PRICKLE2: variants seen among roughly 807,000 people sequenced by gnomAD.
PRICKLE2 encodes prickle-like protein 2.
Under a neutral mutation model 81.4 loss-of-function variants are expected in PRICKLE2, and 21 were observed. The observed-to-expected ratio is 0.26, with a 90% CI of 0.18 to 0.37. The LOEUF (loss-of-function observed/expected upper bound fraction) is 0.37. Among genes scored for constraint, PRICKLE2 ranks in the 10% least tolerant of loss-of-function variants. The probability of loss-of-function intolerance (pLI) is 1.00; values close to 1 mark genes in which losing one functional copy is unlikely to be tolerated. For synonymous variants in PRICKLE2, 456 were observed against 421.5 expected, an observed-to-expected ratio of 1.08 and a Z score of -1.00; for missense variants, 940 against 1,109.0, an observed-to-expected ratio of 0.85 and a Z score of 2.16.
intron 2 of PRICKLE2, among the ~76,000 whole-genome samples, chr3:64,182,432 C>G (rs535546178): frequency 4.3e-4 from 65 of 151,668 alleles, no homozygotes; most frequent in African/African-American, 1.5e-3. Flanking sequence ...GAGGTTGAAG[C>G]TGCAGTGACC....
Position 64,206,178 on chromosome 3 carries a change from TGACTATAATTG to T in PRICKLE2, c.-40-7222_-40-7212del, listed in dbSNP as rs778016057. Among the ~76,000 whole-genome samples the T allele has an allele frequency of 1.3e-3, 200 of 152,340 alleles. 2 individuals are homozygous for T. The highest frequency in any genetic ancestry group is 7.3e-4 in the Non-Finnish European group (50 of 68,028). On this transcript the variant is annotated intron_variant, in intron 1 of 7. Transcript: ENST00000638394. Reference sequence around the variant, plus strand: ...CATGGGGAATAGTAGGATGTCCCAGTGACTATAATTGGATAGGTCTGAGGCAGGCTCAGGAA... The same window carrying T: ...CATGGGGAATAGTAGGATGTCCCAGTGATAGGTCTGAGGCAGGCTCAGGAA...
At chr3:64,132,452 T>A (rs1445300075) in intron 7 of PRICKLE2, among the ~76,000 whole-genome samples, 3 of 152,130 alleles carry the variant, frequency 2.0e-5, no homozygotes, top group South Asian at 2.1e-4. Context: ...TTTCTATCTA[T>A]CTCCTTCATT....
chr3:64,205,165 TGC>T (rs1479109608), intron 1 of PRICKLE2, among the ~76,000 whole-genome samples: 79 of 151,624 alleles, frequency 5.2e-4, no homozygotes, highest in South Asian at 3.1e-3. Flanking sequence ...ACATTCTATC[TGC>T]ACATAATTGG....
intron 2 of PRICKLE2, among the ~76,000 whole-genome samples, chr3:64,191,248 A>T (rs1277185083): frequency 6.6e-6 from 1 of 152,234 alleles, no homozygotes; most frequent in East Asian, 1.9e-4. Flanking sequence ...CTTTCCCGGA[A>T]GCCAAACGTT....
At chr3:64,206,145 T>A (rs1012053952) in intron 1 of PRICKLE2, among the ~76,000 whole-genome samples, 1 of 152,168 alleles carries the variant, frequency 6.6e-6, no homozygotes, top group Admixed American at 6.5e-5. Flanking sequence ...AGACATTACA[T>A]GGAGATGCAT....
At chr3:64,201,769 C>T (rs1575660350) in intron 1 of PRICKLE2, among the ~76,000 whole-genome samples, 2 of 152,032 alleles carry the variant, frequency 1.3e-5, no homozygotes, top group Admixed American at 1.3e-4. Flanking sequence ...GTTGTTGTTG[C>T]TGTTGCTTTT....
At chr3:64,240,591 T>A (rs572227062) in intron 2 of PRICKLE2, among the ~76,000 whole-genome samples, 176 of 152,142 alleles carry the variant, frequency 1.2e-3, no homozygotes, top group Non-Finnish European at 7.6e-4. Context: ...TTAATTCCTC[T>A]CCTCTGGACA....
chr3:64,232,935 G>C (rs1045855211), intron 2 of PRICKLE2, among the ~76,000 whole-genome samples: 11 of 152,120 alleles, frequency 7.2e-5, no homozygotes, highest in South Asian at 4.1e-4. Flanking sequence ...GCCAAATCTG[G>C]TTTGCTTCAC....
At chr3:64,170,361 G>A (rs750751045) in intron 2 of PRICKLE2, among the ~76,000 whole-genome samples, 1 of 152,164 alleles carries the variant, frequency 6.6e-6, no homozygotes, top group African/African-American at 2.4e-5. Context: ...CTTGTTGGAT[G>A]TCGGTTCAAA....
chr3:64,254,435 C>T (rs994425757), intron 2 of PRICKLE2, among the ~76,000 whole-genome samples: 2 of 152,116 alleles, frequency 1.3e-5, no homozygotes, highest in Admixed American at 6.5e-5. Context: ...CAAGAAACCA[C>T]CTAGATGAGA....
intron 7 of PRICKLE2, among the ~76,000 whole-genome samples, chr3:64,120,551 A>G (rs1178225755): frequency 2.0e-5 from 3 of 152,276 alleles, no homozygotes; most frequent in African/African-American, 7.2e-5. Context: ...GAAGCATGCA[A>G]GTCGCCCAGG....
At chr3:64,162,078 T>C (rs2077744272) in intron 3 of PRICKLE2, among the ~76,000 whole-genome samples, 1 of 152,122 alleles carries the variant, frequency 6.6e-6, no homozygotes, top group African/African-American at 2.4e-5. Flanking sequence ...TCCCCTTTCA[T>C]TCTAATGTGG....
chr3:64,249,630 C>T (rs934902550), intron 2 of PRICKLE2, among the ~76,000 whole-genome samples: 1 of 152,218 alleles, frequency 6.6e-6, no homozygotes, highest in Non-Finnish European at 1.5e-5. Flanking sequence ...GATGTGAAGA[C>T]TCCACAGCTC....
intron 2 of PRICKLE2, among the ~76,000 whole-genome samples, chr3:64,253,110 G>A (rs1338207603): frequency 1.3e-5 from 2 of 152,130 alleles, no homozygotes; most frequent in African/African-American, 4.8e-5. Context: ...AAAAATAAAA[G>A]CTCTGGAAAT....
intron 1 of PRICKLE2, among the ~76,000 whole-genome samples, chr3:64,217,082 G>A (rs900712521): frequency 2.6e-5 from 4 of 152,160 alleles, no homozygotes; most frequent in Non-Finnish European, 5.9e-5. Flanking sequence ...CCAGGAGCAC[G>A]CACTTCATAT....
chr3:64,189,873 A>G (rs1167602559), intron 2 of PRICKLE2, among the ~76,000 whole-genome samples: 1 of 152,158 alleles, frequency 6.6e-6, no homozygotes, highest in East Asian at 1.9e-4. Context: ...CTGTTGCCCT[A>G]TGTGCACCTG....
Position 64,185,293 on chromosome 3 carries a change from C to A in PRICKLE2, c.144+13491G>T, listed in dbSNP as rs139030533. Reference sequence around the variant, plus strand: ...GGGAAGTTAATGTTTACAGACCCCCCCTAGATTGCTGCTAGAATTTTTGGT... The same window carrying A: ...GGGAAGTTAATGTTTACAGACCCCCACTAGATTGCTGCTAGAATTTTTGGT... On this transcript the variant is annotated intron_variant, in intron 2 of 7. Coordinates refer to ENST00000638394, the MANE Select transcript of PRICKLE2 (RefSeq NM_198859.4). Among the ~76,000 whole-genome samples, 1,451 of 152,152 alleles carry A rather than the reference C, an allele frequency of 9.5e-3. 25 individuals are homozygous for A. Among genetic ancestry groups the A allele is most frequent in the African/African-American group, 0.033 (1,359 of 41,500 alleles).
At chr3:64,260,675 T>C (rs146722074) in intron 2 of PRICKLE2, among the ~76,000 whole-genome samples, 201 of 152,336 alleles carry the variant, frequency 1.3e-3, no homozygotes, top group Non-Finnish European at 1.9e-3. Flanking sequence ...TATCTGTTGA[T>C]GTTTTTTTCC....
At chr3:64,188,639 A>G (rs2078279226) in intron 2 of PRICKLE2, among the ~76,000 whole-genome samples, 1 of 152,244 alleles carries the variant, frequency 6.6e-6, no homozygotes, top group African/African-American at 2.4e-5. Flanking sequence ...TCACTTCTGC[A>G]GAGAGGCTTC....
Sources: allele counts gnomAD v4.1 joint callset (sites outside exome capture counted in the v4.1 genomes callset), GRCh38; gene constraint gnomAD v4.1.1; transcripts MANE v1.5; gene names NCBI Gene and HGNC (gene_info 2026-07-23, HGNC 2026-07-21).